Variants in FAM168A observed in about 807,000 individuals in gnomAD.
The protein encoded by FAM168A is family with sequence similarity 168 member A, also known as protein FAM168A.
A neutral mutation model predicts 28.5 loss-of-function variants in FAM168A; 3 were observed. The ratio of observed to expected loss-of-function variants is 0.11; its 90% CI spans 0.05 to 0.27. The LOEUF is 0.27. FAM168A is among the 10% of genes least tolerant of loss of function. The pLI is 1.00. For missense variants in FAM168A, 222 were observed against 311.5 expected, an observed-to-expected ratio of 0.71 and a Z score of 2.16; for synonymous variants, 122 against 124.2, an observed-to-expected ratio of 0.98 and a Z score of 0.12.
chr11:73,525,535 A>G (rs1400918802), intron 1 of FAM168A, among the ~76,000 whole-genome samples: 1 of 152,212 alleles, frequency 6.6e-6, no homozygotes, highest in Non-Finnish European at 1.5e-5. Context: ...ATAAACCTCC[A>G]AAGTTCTGCT....
intron 1 of FAM168A, among the ~76,000 whole-genome samples, chr11:73,470,975 G>C (rs976359668): frequency 2.0e-5 from 3 of 152,104 alleles, no homozygotes; most frequent in African/African-American, 7.3e-5. Flanking sequence ...AGGAGATCAT[G>C]CCTGGGGTAG....
intron 2 of FAM168A, among the ~76,000 whole-genome samples, chr11:73,448,641 T>C (rs1270590003): frequency 6.6e-6 from 1 of 152,180 alleles, no homozygotes; most frequent in African/African-American, 2.4e-5. Context: ...TTCTGACCAA[T>C]GAGATGTACA....
intron 1 of FAM168A, among the ~76,000 whole-genome samples, chr11:73,581,182 A>G (rs1944240230): frequency 6.6e-6 from 1 of 152,228 alleles, no homozygotes; most frequent in African/African-American, 2.4e-5. Context: ...ATTGGGTTTT[A>G]TAGTGGCTTT....
chr11:73,578,468 G>A (rs1944203150), intron 1 of FAM168A, among the ~76,000 whole-genome samples: 2 of 152,058 alleles, frequency 1.3e-5, no homozygotes, highest in Admixed American at 6.6e-5. Context: ...CAATGAAGCT[G>A]TTTAGGAGAA....
At chr11:73,408,515 TA>T (rs1175611275) in intron 6 of FAM168A, among the ~76,000 whole-genome samples, 3 of 152,236 alleles carry the variant, frequency 2.0e-5, no homozygotes, top group Admixed American at 1.3e-4. Flanking sequence ...CATAATGGCT[TA>T]TATCTGTTAC....
intron 6 of FAM168A, among the ~76,000 whole-genome samples, chr11:73,407,979 C>T (rs1189292228): frequency 6.6e-6 from 1 of 152,194 alleles, no homozygotes; most frequent in Non-Finnish European, 1.5e-5. Context: ...TCAAGCGATT[C>T]TCCCGCGTCA....
Position 73,508,723 on chromosome 11 carries a change from T to C in FAM168A, c.-18-40231A>G, listed in dbSNP as rs147253656. Among the ~76,000 whole-genome samples, 57 of 152,162 alleles carry C rather than the reference T, an allele frequency of 3.7e-4. No individual in the cohort carries two copies. In the East Asian group the frequency reaches 0.011, roughly 28 times the overall value. ...TACTAGACCACAGTAGTTCTCTCAGTCTGTGACCTGCTCTATAGGATGACA... is the reference window on the plus strand; with the variant it reads ...TACTAGACCACAGTAGTTCTCTCAGCCTGTGACCTGCTCTATAGGATGACA... On this transcript the variant is annotated intron_variant, in intron 1 of 7. Transcript: ENST00000356467.
chr11:73,595,724 T>C (rs565985192), intron 1 of FAM168A, among the ~76,000 whole-genome samples: 1 of 152,222 alleles, frequency 6.6e-6, no homozygotes, highest in African/African-American at 2.4e-5. Flanking sequence ...GTTTCTGTAG[T>C]TAATACAATG....
At chr11:73,433,076 CTTTTTTTTTTTTTTTT>C (rs34994742) in intron 2 of FAM168A, among the ~76,000 whole-genome samples, 3 of 80,592 alleles carry the variant, frequency 3.7e-5, no homozygotes, top group East Asian at 2.7e-4. Context: ...CACGCCCCGC[CTTTTTTTTTTTTTTTT>C]TTTTTTTTTT....
chr11:73,426,652 A>C (rs900388688), intron 3 of FAM168A, among the ~76,000 whole-genome samples: 1 of 151,568 alleles, frequency 6.6e-6, no homozygotes, highest in Non-Finnish European at 1.5e-5. Flanking sequence ...GCATTCCAAA[A>C]TATGCTGTGT....
At chr11:73,430,322 G>A (rs1866965575) in intron 3 of FAM168A, 1 of 288,480 alleles carries the variant, frequency 3.5e-6, no homozygotes, top group Non-Finnish European at 6.8e-6. Flanking sequence ...GTGTGTGGGT[G>A]TGTGTGTGTC....
At chr11:73,583,349 G>A (rs1317177728) in intron 1 of FAM168A, among the ~76,000 whole-genome samples, 1 of 152,014 alleles carries the variant, frequency 6.6e-6, no homozygotes, top group Admixed American at 6.6e-5. Flanking sequence ...AGAGCAACAT[G>A]GAGTAACTGA....
chr11:73,591,622 A>G (rs1338728702), intron 1 of FAM168A, among the ~76,000 whole-genome samples: 2 of 152,086 alleles, frequency 1.3e-5, no homozygotes, highest in African/African-American at 2.4e-5. Flanking sequence ...TGATCCTCCC[A>G]CCTCAGCCTC....
intron 1 of FAM168A, among the ~76,000 whole-genome samples, chr11:73,535,997 C>A (rs772902418): frequency 2.0e-5 from 3 of 152,060 alleles, no homozygotes; most frequent in Non-Finnish European, 4.4e-5. Context: ...AGGTGGCACA[C>A]CACCACGCCT....
intron 1 of FAM168A, among the ~76,000 whole-genome samples, chr11:73,578,383 T>C (rs914735934): frequency 2.0e-5 from 3 of 152,234 alleles, no homozygotes; most frequent in Admixed American, 1.3e-4. Flanking sequence ...GATGGTTTCA[T>C]GGGTGTATAT....
chr11:73,529,796 CT>C (rs772530179), intron 1 of FAM168A, among the ~76,000 whole-genome samples: 237 of 127,450 alleles, frequency 1.9e-3, no homozygotes, highest in Admixed American at 2.3e-3. Flanking sequence ...ACTTTTTCTT[CT>C]TTTTTTTTTT....
At chr11:73,444,618 CT>C (rs1462228067) in intron 2 of FAM168A, among the ~76,000 whole-genome samples, 2 of 152,100 alleles carry the variant, frequency 1.3e-5, no homozygotes, top group African/African-American at 4.8e-5. Flanking sequence ...ACATTTTTGC[CT>C]TTTTATTTGT....
intron 1 of FAM168A, among the ~76,000 whole-genome samples, chr11:73,581,998 T>C (rs1275322020): frequency 2.0e-5 from 3 of 151,744 alleles, no homozygotes; most frequent in African/African-American, 7.3e-5. Context: ...ATTACAGGCA[T>C]GAGCCACCGC....
chr11:73,552,657 T>G (rs1284647977), intron 1 of FAM168A, among the ~76,000 whole-genome samples: 1 of 152,116 alleles, frequency 6.6e-6, no homozygotes, highest in East Asian at 1.9e-4. Context: ...GTTGACCAGT[T>G]GAATAAATAA....
Sources: gnomAD v4.1 joint callset for allele counts (sites outside exome capture counted in the v4.1 genomes callset) on GRCh38, gnomAD v4.1.1 for gene constraint, MANE v1.5 for transcripts, NCBI Gene and HGNC (gene_info 2026-07-23, HGNC 2026-07-21) for gene names.